The following SCARB1 variants were observed in gnomAD, a reference collection of about 807,000 sequenced individuals.
The protein encoded by SCARB1 is scavenger receptor class B member 1, also known as CD36 and LIMPII analogous 1.
Under a neutral mutation model 57.2 loss-of-function variants are expected in SCARB1, and 30 were observed. That is an observed-to-expected ratio of 0.52 (90% CI 0.39 to 0.71). SCARB1 has a LOEUF of 0.71. Ranked by LOEUF, SCARB1 falls within the 30% of genes least tolerant of loss-of-function variation. The pLI is 0.00. For missense variants in SCARB1, 543 were observed against 671.2 expected (o/e 0.81, Z 2.11); for synonymous variants, 249 against 268.3 (o/e 0.93, Z 0.70).
chr12:124,861,478 A>T (rs1230359115), intron 1 of SCARB1, among the ~76,000 whole-genome samples: 7 of 76,954 alleles, frequency 9.1e-5, no homozygotes, highest in African/African-American at 1.7e-4. Context: ...AAAGCACATT[A>T]AAAAAAAAAA....
At position 124,800,214 on chromosome 12, in the gene SCARB1, G is replaced by T. The variant is rs758629966; in HGVS notation, c.1038C>A (p.His346Gln). ...FSAPLFLSHP[H>Q]FLNADPVLAE... is the part of the protein sequence containing the mutation. ...CCAGAACCGGGTCAGCGTTGAGGAA[G>T]TGAGGATGGGAGAGAAACAAGGGGG... The change falls in exon 8 of 13, where the codon CAC becomes CAA. Residue 346 changes from histidine to glutamine, a missense_variant. Coordinates refer to ENST00000261693, the MANE Select transcript of SCARB1 (RefSeq NM_005505.5). This position sits in a 1 kb window ranked among gnomAD's most constrained non-coding sequence, Gnocchi z 4.8. 2.5e-6 allele frequency: 4 copies of T among 1,614,026 alleles called. No individual in the cohort carries two copies. Among genetic ancestry groups the T allele is most frequent in the Non-Finnish European group, 3.4e-6 (4 of 1,179,880 alleles).
intron 7 of SCARB1, among the ~76,000 whole-genome samples, chr12:124,805,471 G>C (rs935441479): frequency 1.3e-5 from 2 of 152,174 alleles, no homozygotes; most frequent in African/African-American, 4.8e-5. Context: ...GCCGGTAGGG[G>C]CTGGATCCTG....
At chr12:124,801,620 T>C (rs1032903791) in intron 7 of SCARB1, among the ~76,000 whole-genome samples, 1 of 151,882 alleles carries the variant, frequency 6.6e-6, no homozygotes, top group Admixed American at 6.6e-5. Flanking sequence ...CCGTCTCTAC[T>C]AAAAATACAA....
At chr12:124,785,941 G>T in intron 11 of SCARB1, 2 of 896,124 alleles carry the variant, frequency 2.2e-6, no homozygotes, top group Non-Finnish European at 3.3e-6. Context: ...GTTTTCATCT[G>T]TCTCCCCGGC....
intron 1 of SCARB1, among the ~76,000 whole-genome samples, chr12:124,834,403 G>C (rs1055445569): frequency 6.6e-6 from 1 of 152,246 alleles, no homozygotes; most frequent in Non-Finnish European, 1.5e-5. Context: ...AACCAACAAG[G>C]GGCTGAGGGT....
Position 124,863,789 on chromosome 12 carries a change from A to G in SCARB1, c.-69T>C. On this transcript the variant is annotated 5_prime_UTR_variant, in exon 1 of 13. Coordinates refer to ENST00000261693, the MANE Select transcript of SCARB1 (RefSeq NM_005505.5). Reference sequence around the variant, plus strand: ...CCTGGCAGGAGACGGGGACGGCGACAGAGACGACACAGGCGGGGACTCCGG... The same window carrying G: ...CCTGGCAGGAGACGGGGACGGCGACGGAGACGACACAGGCGGGGACTCCGG... The G allele has an allele frequency of 4.3e-6, 6 of 1,387,190 alleles. No individual in the cohort carries two copies. The highest frequency in any genetic ancestry group is 5.6e-6 in the Non-Finnish European group (6 of 1,075,082). The allele number at this position is 1,387,190 out of a possible 1,614,324, so 85.9% of individuals were successfully genotyped here. A position where few individuals can be genotyped will look rare whatever the true frequency, so the allele number is the denominator to read the frequency against.
intron 9 of SCARB1, among the ~76,000 whole-genome samples, chr12:124,787,705 G>A (rs1015415841): frequency 4.0e-5 from 6 of 151,054 alleles, no homozygotes; most frequent in African/African-American, 1.5e-4. Context: ...TCTTTAAAAG[G>A]CGTTTTGTTT....
chr12:124,791,292 C>T (rs777580772), intron 9 of SCARB1, among the ~76,000 whole-genome samples: 5 of 152,184 alleles, frequency 3.3e-5, no homozygotes, highest in Non-Finnish European at 4.4e-5. Flanking sequence ...CCATATGCTT[C>T]GTCCTGAGGC....
At chr12:124,794,397 A>ATTTTT (rs1242276585) in intron 9 of SCARB1, among the ~76,000 whole-genome samples, 3 of 113,970 alleles carry the variant, frequency 2.6e-5, no homozygotes, top group East Asian at 7.6e-4. Flanking sequence ...TGCTTGAAAA[A>ATTTTT]TTCTTTTTTT....
chr12:124,809,365 C>T (rs1950442939), intron 6 of SCARB1, among the ~76,000 whole-genome samples: 2 of 152,060 alleles, frequency 1.3e-5, no homozygotes, highest in African/African-American at 2.4e-5. Flanking sequence ...CAGGAAGATC[C>T]CTTGAGGCTA....
chr12:124,863,007 G>A (rs1243623311), intron 1 of SCARB1, among the ~76,000 whole-genome samples: 4 of 152,234 alleles, frequency 2.6e-5, no homozygotes, highest in African/African-American at 2.4e-5. Context: ...AGTGAGCAGG[G>A]AGAACAGAGT....
intron 1 of SCARB1, among the ~76,000 whole-genome samples, chr12:124,824,109 G>A (rs1951045503): frequency 2.0e-5 from 3 of 150,932 alleles, no homozygotes; most frequent in Admixed American, 1.3e-4. Flanking sequence ...GGGAGGCGGA[G>A]GTTGCAGTGA....
At chr12:124,856,477 C>T (rs1225124157) in intron 1 of SCARB1, among the ~76,000 whole-genome samples, 1 of 152,230 alleles carries the variant, frequency 6.6e-6, no homozygotes, top group East Asian at 1.9e-4. Context: ...ACTAGACTCA[C>T]ACAAACTAAA....
At chr12:124,813,197 TG>T (rs763214681) in intron 4 of SCARB1, among the ~76,000 whole-genome samples, 1 of 152,156 alleles carries the variant, frequency 6.6e-6, no homozygotes, top group Non-Finnish European at 1.5e-5. Flanking sequence ...AGAAAGGAAG[TG>T]GACATTGGTT....
At position 124,817,140 on chromosome 12, in the gene SCARB1, ATGTG is replaced by A. The variant is rs1222615422; in HGVS notation, c.284+406_284+409del. 6.7e-6 allele frequency among the ~76,000 whole-genome samples: 1 copy of A among 150,100 alleles called. No individual in the cohort carries two copies. On this transcript the variant is annotated intron_variant, in intron 2 of 12. Coordinates refer to ENST00000261693, the MANE Select transcript of SCARB1 (RefSeq NM_005505.5). The surrounding 1 kb of genome is among the most constrained non-coding windows in gnomAD (Gnocchi z 4.8). The stretch of plus-strand genomic sequence containing the variant: ...TGTATGTATGTATGTGTGTATGTGT[ATGTG>A]TATGTGTGTGTATGTATGTGTGTAA...
intron 1 of SCARB1, among the ~76,000 whole-genome samples, chr12:124,849,035 A>G (rs1402349013): frequency 6.6e-6 from 1 of 152,246 alleles, no homozygotes. Flanking sequence ...TGTAGGAGAC[A>G]CTTTTATTAA....
At chr12:124,791,182 C>G (rs942626148) in intron 9 of SCARB1, among the ~76,000 whole-genome samples, 1 of 152,238 alleles carries the variant, frequency 6.6e-6, no homozygotes, top group Non-Finnish European at 1.5e-5. Flanking sequence ...GCTCTGGAAA[C>G]TGGCACCTGC....
intron 1 of SCARB1, among the ~76,000 whole-genome samples, chr12:124,858,603 G>A (rs1412556422): frequency 6.6e-6 from 1 of 152,078 alleles, no homozygotes; most frequent in Non-Finnish European, 1.5e-5. Flanking sequence ...ATTTTGGCCG[G>A]GCGCGGTGGC....
At chr12:124,856,963 G>C (rs1952659831) in intron 1 of SCARB1, among the ~76,000 whole-genome samples, 1 of 152,210 alleles carries the variant, frequency 6.6e-6, no homozygotes. Flanking sequence ...AAGTTTGGCG[G>C]GGTGATGATT....
Sources: allele counts gnomAD v4.1 joint callset (sites outside exome capture counted in the v4.1 genomes callset), GRCh38; gene constraint gnomAD v4.1.1; non-coding constraint Gnocchi (gnomAD v3.1); transcripts MANE v1.5; gene names NCBI Gene and HGNC (gene_info 2026-07-23, HGNC 2026-07-21).